The following SMAD2 variants were observed in gnomAD, a reference collection of about 807,000 sequenced individuals.
The protein encoded by SMAD2 is MAD homolog 2.
SMAD2 carries 8 observed loss-of-function variants against 64.4 expected under a neutral mutation model. That is an observed-to-expected ratio of 0.12 (90% CI 0.07 to 0.22). SMAD2 has a LOEUF of 0.22. SMAD2 is among the 10% of genes least tolerant of loss of function. The pLI, the probability that SMAD2 is intolerant of heterozygous loss-of-function variation, is 1.00. For missense variants in SMAD2, 289 were observed against 561.2 expected (o/e 0.51, Z 4.90); for synonymous variants, 203 against 195.8 (o/e 1.04, Z -0.31).
chr18:47,902,530 G>C (rs1000469431), intron 1 of SMAD2, among the ~76,000 whole-genome samples: 1 of 152,122 alleles, frequency 6.6e-6, no homozygotes, highest in East Asian at 1.9e-4. Flanking sequence ...GTTAAGATTT[G>C]AGAACAGGAA....
At chr18:47,867,439 A>T (rs1420940395) in intron 5 of SMAD2, 1 of 152,046 alleles carries the variant, frequency 6.6e-6, no homozygotes, top group Admixed American at 6.6e-5. Context: ...ATGTACTAAA[A>T]CTGTATTTTA....
intron 2 of SMAD2, among the ~76,000 whole-genome samples, chr18:47,876,807 C>T (rs917972232): frequency 3.9e-5 from 6 of 151,994 alleles, no homozygotes; most frequent in African/African-American, 1.4e-4. Context: ...AAAGTATACA[C>T]TCGCCTACAT....
intron 1 of SMAD2, among the ~76,000 whole-genome samples, chr18:47,919,860 A>G (rs1176941827): frequency 1.3e-5 from 2 of 152,210 alleles, no homozygotes; most frequent in Non-Finnish European, 2.9e-5. Context: ...ATTTTGCCTA[A>G]GTGGAATTCT....
chr18:47,928,111 A>G (rs767398237), intron 1 of SMAD2, among the ~76,000 whole-genome samples: 36 of 152,192 alleles, frequency 2.4e-4, no homozygotes, highest in South Asian at 1.0e-3. Flanking sequence ...TCTACCCTCT[A>G]AAAATGACTC....
intron 5 of SMAD2, chr18:47,867,265 A>G (rs1015379110): frequency 6.6e-6 from 1 of 152,220 alleles, no homozygotes; most frequent in South Asian, 2.1e-4. Context: ...AATATACATT[A>G]AAACAATCAA....
Position 47,896,513 on chromosome 18 carries a change from A to C in SMAD2, c.236+8T>G, listed in dbSNP as rs888346067. The C allele has an allele frequency of 3.1e-6, 5 of 1,613,962 alleles. No homozygotes were observed. The highest frequency in any genetic ancestry group is 2.7e-5 in the African/African-American group (2 of 74,924). On this transcript the variant is annotated splice_region_variant and intron_variant, in intron 2 of 10. Transcript: ENST00000262160. ...ATTTGATCAAACCTGGGATCTAACA[A>C]AACTTACCTTGGTATGGTAACACAT...
At chr18:47,888,104 A>G (rs2144443135) in intron 2 of SMAD2, among the ~76,000 whole-genome samples, 1 of 152,288 alleles carries the variant, frequency 6.6e-6, no homozygotes, top group East Asian at 1.9e-4. Context: ...ATACCAGAAC[A>G]TTTCCTATTA....
At chr18:47,881,495 G>A (rs910541919) in intron 2 of SMAD2, among the ~76,000 whole-genome samples, 5 of 152,156 alleles carry the variant, frequency 3.3e-5, no homozygotes, top group African/African-American at 1.2e-4. Context: ...TATATTTATA[G>A]ATTCTTTAGG....
rs1167883549 is a variant in SMAD2 at position 47,835,966 on chromosome 18, C to A, written c.*5861G>T. On this transcript the variant is annotated 3_prime_UTR_variant, in exon 11 of 11. Transcript: ENST00000262160. The stretch of plus-strand genomic sequence containing the variant: ...TTGAGTTAATACACCTTCTGACCCC[C>A]ATCATCAGTGGCATTATTCTTCCAA... 1.4e-5 allele frequency: 3 copies of A among 211,498 alleles called. No homozygotes were observed. Among genetic ancestry groups the A allele is most frequent in the Non-Finnish European group, 2.9e-5 (3 of 104,482 alleles). The allele number at this position is 211,498 out of a possible 1,614,324, so 13.1% of individuals were successfully genotyped here. A position where few individuals can be genotyped will look rare whatever the true frequency, so the allele number is the denominator to read the frequency against.
At chr18:47,914,136 A>C (rs1054270019) in intron 1 of SMAD2, among the ~76,000 whole-genome samples, 1 of 152,156 alleles carries the variant, frequency 6.6e-6, no homozygotes. Context: ...CTCTTTCCAG[A>C]GTCCTCAACT....
chr18:47,856,694 T>C (rs2030716310), intron 6 of SMAD2, among the ~76,000 whole-genome samples: 1 of 152,202 alleles, frequency 6.6e-6, no homozygotes, highest in Non-Finnish European at 1.5e-5. Context: ...TCTGACATCC[T>C]ACTGAATTTC....
At chr18:47,922,937 T>C (rs1236979900) in intron 1 of SMAD2, among the ~76,000 whole-genome samples, 1 of 152,196 alleles carries the variant, frequency 6.6e-6, no homozygotes, top group Non-Finnish European at 1.5e-5. Context: ...CAGAAAACAT[T>C]CATGTGTTCA....
chr18:47,869,784 G>T (rs2031820632), intron 3 of SMAD2, among the ~76,000 whole-genome samples: 1 of 152,158 alleles, frequency 6.6e-6, no homozygotes, highest in East Asian at 1.9e-4. Flanking sequence ...TCATTTTAGA[G>T]ATGCTTCTAA....
In SMAD2 at chr18:47,843,252, A is replaced by C. The variant is rs1017432762; in HGVS notation, c.1281-1302T>G. On this transcript the variant is annotated intron_variant, in intron 10 of 10. Coordinates refer to ENST00000262160, the MANE Select transcript of SMAD2 (RefSeq NM_005901.6). ...AACAGAAATTGACATTTACATGCCC[A>C]GCACTTCTGTTCCCCTGGGTAGGAT... Among the ~76,000 whole-genome samples the C allele has an allele frequency of 9.2e-5, 14 of 152,222 alleles. 1 individual carries two copies. Among genetic ancestry groups the C allele is most frequent in the Admixed American group, 7.8e-4 (12 of 15,290 alleles).
chr18:47,850,966 CATA>C (rs2030001525), intron 7 of SMAD2, among the ~76,000 whole-genome samples: 1 of 139,058 alleles, frequency 7.2e-6, no homozygotes, highest in South Asian at 2.2e-4. Context: ...TTAATTACAT[CATA>C]AAATAAACAT....
At chr18:47,911,709 C>A (rs1287743898) in intron 1 of SMAD2, among the ~76,000 whole-genome samples, 1 of 152,152 alleles carries the variant, frequency 6.6e-6, no homozygotes, top group Non-Finnish European at 1.5e-5. Context: ...AATTAGGGAA[C>A]TGTAATGCAA....
intron 2 of SMAD2, among the ~76,000 whole-genome samples, chr18:47,889,593 A>T (rs969945229): frequency 6.6e-6 from 1 of 152,074 alleles, no homozygotes; most frequent in Non-Finnish European, 1.5e-5. Context: ...AACACGGTGA[A>T]ACTCCGTCTC....
intron 1 of SMAD2, among the ~76,000 whole-genome samples, chr18:47,902,820 C>T (rs1005602580): frequency 6.6e-6 from 1 of 152,092 alleles, no homozygotes; most frequent in African/African-American, 2.4e-5. Flanking sequence ...AGAAGAGAGG[C>T]TGCATGGATG....
intron 2 of SMAD2, among the ~76,000 whole-genome samples, chr18:47,893,265 C>T (rs748613546): frequency 2.0e-5 from 3 of 152,112 alleles, no homozygotes; most frequent in Non-Finnish European, 4.4e-5. Context: ...CTGCCAGAGG[C>T]AACAAGAGTA....
Sources: gnomAD v4.1 joint callset for allele counts (sites outside exome capture counted in the v4.1 genomes callset) on GRCh38, gnomAD v4.1.1 for gene constraint, MANE v1.5 for transcripts, NCBI Gene and HGNC (gene_info 2026-07-23, HGNC 2026-07-21) for gene names.